Variants in GALNTL6 observed in about 807,000 individuals in gnomAD.
GALNTL6 encodes the protein polypeptide N-acetylgalactosaminyltransferase like 6, also known as polypeptide N-acetylgalactosaminyltransferase-like 6.
In GALNTL6, 46 loss-of-function variants were observed where a neutral mutation model predicts 73.7. The observed-to-expected ratio is 0.62, with a 90% CI of 0.49 to 0.80. The LOEUF (loss-of-function observed/expected upper bound fraction) is 0.80. Ranked by LOEUF, GALNTL6 falls within the 30% of genes least tolerant of loss-of-function variation. The pLI, the probability that GALNTL6 is intolerant of heterozygous loss-of-function variation, is 0.00. For synonymous variants in GALNTL6, 259 were observed against 263.7 expected (o/e 0.98, Z 0.17); for missense variants, 604 against 755.0 (o/e 0.80, Z 2.34).
intron 5 of GALNTL6, among the ~76,000 whole-genome samples, chr4:172,357,780 AG>A (rs1742216739): frequency 2.0e-5 from 3 of 152,108 alleles, no homozygotes; most frequent in Admixed American, 1.3e-4. Flanking sequence ...AGCAACTGAG[AG>A]GCTAGTGGAG....
chr4:172,235,904 A>G (rs1340739708), intron 3 of GALNTL6, among the ~76,000 whole-genome samples: 1 of 152,164 alleles, frequency 6.6e-6, no homozygotes, highest in East Asian at 1.9e-4. Flanking sequence ...AGAATATGTA[A>G]TATTTCATTT....
At chr4:172,433,625 ATCT>A (rs1368143623) in intron 5 of GALNTL6, among the ~76,000 whole-genome samples, 7 of 152,076 alleles carry the variant, frequency 4.6e-5, no homozygotes, top group Non-Finnish European at 1.0e-4. Flanking sequence ...CAAGGTTAAG[ATCT>A]TCTTTAGTGC....
intron 2 of GALNTL6, among the ~76,000 whole-genome samples, chr4:171,892,545 C>T (rs1736792800): frequency 6.6e-6 from 1 of 152,094 alleles, no homozygotes; most frequent in African/African-American, 2.4e-5. Flanking sequence ...GTAACAATAA[C>T]ATTTATAATA....
chr4:172,339,489 C>T lies in GALNTL6; in HGVS notation c.387-9034C>T, dbSNP rs1741481857. Among the ~76,000 whole-genome samples the T allele has an allele frequency of 2.0e-5, 3 of 152,088 alleles. No individual in the cohort carries two copies. The South Asian group carries it at 6.2e-4, about 32-fold the overall frequency. On this transcript the variant is annotated intron_variant, in intron 4 of 12. Transcript: ENST00000506823. Reference sequence around the variant, plus strand: ...GGCTCTGGAGGCTCCTACCAAACTCCAGAGCAAGCACTCCAATCGCTGGCC... The same window carrying T: ...GGCTCTGGAGGCTCCTACCAAACTCTAGAGCAAGCACTCCAATCGCTGGCC...
In GALNTL6 at chr4:172,348,274, A is replaced by C. The variant is rs566984093; in HGVS notation, c.387-249A>C. Among the ~76,000 whole-genome samples the C allele has an allele frequency of 2.0e-5, 3 of 152,320 alleles. No homozygotes were observed. The South Asian group carries it at 6.2e-4, about 32-fold the overall frequency. On this transcript the variant is annotated intron_variant, in intron 4 of 12. Transcript: ENST00000506823. ...ATCAACAAGAGCACAACATTTCAAAAACTGACAAATTTGAAACCCTGATAC... is the reference window on the plus strand; with the variant it reads ...ATCAACAAGAGCACAACATTTCAAACACTGACAAATTTGAAACCCTGATAC...
At chr4:172,085,772 T>C (rs1241445948) in intron 2 of GALNTL6, among the ~76,000 whole-genome samples, 2 of 152,112 alleles carry the variant, frequency 1.3e-5, no homozygotes, top group African/African-American at 4.8e-5. Flanking sequence ...AATAATATTG[T>C]CTTTCTATAT....
At chr4:172,978,597 G>A (rs1350749130) in intron 10 of GALNTL6, among the ~76,000 whole-genome samples, 1 of 152,160 alleles carries the variant, frequency 6.6e-6, no homozygotes, top group Non-Finnish European at 1.5e-5. Flanking sequence ...CCTTATGTTA[G>A]TAGGTTACCC....
At chr4:172,501,644 T>C (rs1176938230) in intron 5 of GALNTL6, among the ~76,000 whole-genome samples, 1 of 152,152 alleles carries the variant, frequency 6.6e-6, no homozygotes, top group African/African-American at 2.4e-5. Context: ...TGAATTTCTA[T>C]TGAAATTCTC....
intron 7 of GALNTL6, among the ~76,000 whole-genome samples, chr4:172,817,173 C>A (rs1434508764): frequency 2.0e-5 from 3 of 151,506 alleles, no homozygotes; most frequent in African/African-American, 4.8e-5. Flanking sequence ...CACCTGTAAT[C>A]CCAGCACTTT....
intron 5 of GALNTL6, among the ~76,000 whole-genome samples, chr4:172,651,970 G>A (rs1025322874): frequency 6.6e-6 from 1 of 152,152 alleles, no homozygotes; most frequent in African/African-American, 2.4e-5. Context: ...GCTAATGGAA[G>A]AAATAAATGG....
intron 5 of GALNTL6, among the ~76,000 whole-genome samples, chr4:172,378,459 C>T (rs78647310): frequency 0.12 from 17,970 of 152,082 alleles, 1,076 homozygotes; most frequent in East Asian, 0.18. Flanking sequence ...TTAATTAATT[C>T]GATAACACTA....
chr4:172,679,433 G>A lies in GALNTL6; in HGVS notation c.554-129928G>A, dbSNP rs566680150. On this transcript the variant is annotated intron_variant, in intron 5 of 12. Transcript: ENST00000506823. ...TCTCAAAAAAAAAAAAAAAGTAAAAGCCATGCTAAATTTGTGGGTCATAGG... is the reference window on the plus strand; with the variant it reads ...TCTCAAAAAAAAAAAAAAAGTAAAAACCATGCTAAATTTGTGGGTCATAGG... Among the ~76,000 whole-genome samples, 14 of 151,338 alleles carry A rather than the reference G, an allele frequency of 9.3e-5. No individual in the cohort carries two copies. The South Asian group carries it at 2.9e-3, about 32-fold the overall frequency.
intron 5 of GALNTL6, among the ~76,000 whole-genome samples, chr4:172,361,311 T>TC (rs201725066): frequency 1.7e-4 from 2 of 11,820 alleles, no homozygotes; most frequent in Admixed American, 2.9e-3. Context: ...TGAAGGTCCT[T>TC]TTTCCTGAGA....
intron 5 of GALNTL6, among the ~76,000 whole-genome samples, chr4:172,625,484 A>T (rs958393823): frequency 3.9e-5 from 6 of 152,110 alleles, no homozygotes; most frequent in Non-Finnish European, 1.5e-5. Context: ...CACGATGAAC[A>T]AAAGACTACA....
chr4:172,138,477 C>CTATATATATATATATATATA (rs1414149880), intron 2 of GALNTL6, among the ~76,000 whole-genome samples: 5 of 8,696 alleles, frequency 5.7e-4, no homozygotes, highest in African/African-American at 7.7e-4. Context: ...CTTGGACTGC[C>CTATATATATATATATATATA]TATATATATA....
At chr4:171,820,537 C>G (rs546069209) in intron 2 of GALNTL6, among the ~76,000 whole-genome samples, 64 of 152,276 alleles carry the variant, frequency 4.2e-4, no homozygotes, top group Middle Eastern at 3.4e-3. Flanking sequence ...ATATTTTTAA[C>G]TTCTGTGACT....
At chr4:172,320,056 A>G (rs1314721014) in intron 4 of GALNTL6, among the ~76,000 whole-genome samples, 1 of 152,118 alleles carries the variant, frequency 6.6e-6, no homozygotes, top group Non-Finnish European at 1.5e-5. Context: ...CAGGACTTCA[A>G]TATCTCTCAT....
rs973120272 is a variant in GALNTL6 at position 172,794,919 on chromosome 4, C to T, written c.554-14442C>T. Among the ~76,000 whole-genome samples the T allele has an allele frequency of 2.6e-5, 4 of 152,278 alleles. No individual in the cohort carries two copies. The East Asian group carries it at 7.7e-4, about 29-fold the overall frequency. On this transcript the variant is annotated intron_variant, in intron 5 of 12. Coordinates refer to ENST00000506823, the MANE Select transcript of GALNTL6 (RefSeq NM_001034845.3). ...TGGAAGAATAATCTGAAACAAATTC[C>T]TGCCATTTCCAAAGGCAAATGATCA... is the stretch of plus-strand genomic sequence containing the variant.
chr4:172,104,140 T>C (rs895823584), intron 2 of GALNTL6, among the ~76,000 whole-genome samples: 17 of 152,134 alleles, frequency 1.1e-4, no homozygotes, highest in Admixed American at 6.5e-4. Flanking sequence ...AAGACGGGGT[T>C]TCACCCTGTT....
Sources: allele counts gnomAD v4.1 joint callset (sites outside exome capture counted in the v4.1 genomes callset), GRCh38; gene constraint gnomAD v4.1.1; transcripts MANE v1.5; gene names NCBI Gene and HGNC (gene_info 2026-07-23, HGNC 2026-07-21).